The following ADGRL3 variants were observed in gnomAD, a reference collection of about 807,000 sequenced individuals.
The protein encoded by ADGRL3 is calcium-independent alpha-latrotoxin receptor 3.
A neutral mutation model predicts 153.5 loss-of-function variants in ADGRL3; 62 were observed. The ratio of observed to expected loss-of-function variants is 0.40; its 90% CI spans 0.33 to 0.50. The LOEUF is 0.50. ADGRL3 is among the 20% of genes least tolerant of loss of function. The pLI, the probability that ADGRL3 is intolerant of heterozygous loss-of-function variation, is 0.47. For missense variants in ADGRL3, 1,641 were observed against 1,859.4 expected, an observed-to-expected ratio of 0.88 and a Z score of 2.16; for synonymous variants, 710 against 672.5, an observed-to-expected ratio of 1.06 and a Z score of -0.86.
chr4:61,599,504 TGTATTTTTA>T (rs2099002249), intron 5 of ADGRL3, among the ~76,000 whole-genome samples: 1 of 152,176 alleles, frequency 6.6e-6, no homozygotes, highest in East Asian at 1.9e-4. Flanking sequence ...GGCTAAGTTT[TGTATTTTTA>T]GTAGAGATGC....
chr4:61,661,577 G>T (rs1020660199), intron 5 of ADGRL3, among the ~76,000 whole-genome samples: 4 of 151,978 alleles, frequency 2.6e-5, no homozygotes, highest in Non-Finnish European at 5.9e-5. Flanking sequence ...AAATATTTAT[G>T]AAACTTTGTC....
intron 1 of ADGRL3, among the ~76,000 whole-genome samples, chr4:61,267,646 C>T (rs1578047801): frequency 6.6e-6 from 1 of 151,500 alleles, no homozygotes; most frequent in East Asian, 1.9e-4. Flanking sequence ...TATCATGATT[C>T]AGTAACAAAT....
intron 5 of ADGRL3, among the ~76,000 whole-genome samples, chr4:61,646,241 T>C (rs1041168819): frequency 6.6e-6 from 1 of 152,184 alleles, no homozygotes. Context: ...TGTCCTCCCC[T>C]AGCTCGGAGT....
intron 4 of ADGRL3, among the ~76,000 whole-genome samples, chr4:61,545,673 C>A (rs1214149883): frequency 1.3e-5 from 2 of 152,076 alleles, no homozygotes. Flanking sequence ...GCCACCACAC[C>A]CACCTAATTT....
At chr4:61,328,359 G>A (rs1233103496) in intron 1 of ADGRL3, among the ~76,000 whole-genome samples, 1 of 152,168 alleles carries the variant, frequency 6.6e-6, no homozygotes, top group African/African-American at 2.4e-5. Context: ...GTAGGAACTA[G>A]TGATGCTTTC....
At chr4:62,056,061 A>C (rs563219755) in intron 25 of ADGRL3, among the ~76,000 whole-genome samples, 6 of 151,786 alleles carry the variant, frequency 4.0e-5, no homozygotes, top group South Asian at 2.1e-4. Flanking sequence ...ATCTTAAAAA[A>C]ATTTTGAAAA....
intron 17 of ADGRL3, among the ~76,000 whole-genome samples, chr4:61,960,854 C>T (rs1046496587): frequency 2.0e-4 from 30 of 151,992 alleles, no homozygotes; most frequent in Admixed American, 2.6e-4. Flanking sequence ...GGACTACAGG[C>T]GTGCGCCACC....
At chr4:61,898,107 C>T (rs1343242150) in intron 11 of ADGRL3, among the ~76,000 whole-genome samples, 3 of 152,182 alleles carry the variant, frequency 2.0e-5, no homozygotes, top group Admixed American at 6.5e-5. Context: ...TGTCAAGCGA[C>T]CCCACTGGCC....
At chr4:61,981,398 A>G (rs1460654894) in intron 18 of ADGRL3, among the ~76,000 whole-genome samples, 2 of 141,548 alleles carry the variant, frequency 1.4e-5, no homozygotes, top group African/African-American at 5.1e-5. Context: ...CATTTTTATT[A>G]TATGTAAACT....
At chr4:61,366,176 TA>T (rs2096393068) in intron 1 of ADGRL3, among the ~76,000 whole-genome samples, 1 of 152,222 alleles carries the variant, frequency 6.6e-6, no homozygotes, top group African/African-American at 2.4e-5. Context: ...TGCTTTCTTT[TA>T]AAATAAGCAT....
At chr4:61,955,622 A>C (rs1484651519) in intron 17 of ADGRL3, among the ~76,000 whole-genome samples, 1 of 152,056 alleles carries the variant, frequency 6.6e-6, no homozygotes, top group East Asian at 1.9e-4. Flanking sequence ...TTTGTTACAT[A>C]GGTATATTTG....
At chr4:61,579,642 T>C in intron 4 of ADGRL3, 1 of 508,240 alleles carries the variant, frequency 2.0e-6, no homozygotes, top group South Asian at 1.4e-5. Flanking sequence ...GCTGCTTAAT[T>C]GTTTGATGAT....
chr4:61,990,846 ACTT>A (rs994353626), intron 19 of ADGRL3, among the ~76,000 whole-genome samples: 38 of 151,774 alleles, frequency 2.5e-4, no homozygotes, highest in Non-Finnish European at 1.5e-4. Context: ...AGTCTCAACT[ACTT>A]ATTATCTGTG....
intron 2 of ADGRL3, among the ~76,000 whole-genome samples, chr4:61,477,272 C>G (rs2098075705): frequency 6.6e-6 from 1 of 152,056 alleles, no homozygotes; most frequent in South Asian, 2.1e-4. Flanking sequence ...ACAACATGGT[C>G]AAGTTTTGGT....
Position 62,073,323 on chromosome 4 carries a change from A to G in ADGRL3, c.*2415A>G, listed in dbSNP as rs1355347130. ...ATTGGCATGAATATTTTTTAAGTCTACAGATTTTATGTTAGAGGAGAATCA... is the reference window on the plus strand; with the variant it reads ...ATTGGCATGAATATTTTTTAAGTCTGCAGATTTTATGTTAGAGGAGAATCA... On this transcript the variant is annotated 3_prime_UTR_variant, in exon 27 of 27. Transcript: ENST00000683033. 6.6e-6 allele frequency: 1 copy of G among 152,142 alleles called. No individual in the cohort carries two copies. Among genetic ancestry groups the G allele is most frequent in the Non-Finnish European group, 1.5e-5 (1 of 67,992 alleles). 9.4% of individuals were successfully genotyped at this position (152,142 alleles called of 1,614,324 possible).
At chr4:61,607,457 G>T (rs951404388) in intron 5 of ADGRL3, among the ~76,000 whole-genome samples, 1 of 152,008 alleles carries the variant, frequency 6.6e-6, no homozygotes, top group African/African-American at 2.4e-5. Context: ...AAAATTAGCC[G>T]GGTGTGGTGG....
intron 5 of ADGRL3, among the ~76,000 whole-genome samples, chr4:61,661,624 G>A (rs1159241126): frequency 2.0e-5 from 3 of 152,036 alleles, no homozygotes; most frequent in Admixed American, 2.0e-4. Flanking sequence ...AAAGAACAGT[G>A]TTATGACAAT....
intron 9 of ADGRL3, among the ~76,000 whole-genome samples, chr4:61,818,764 T>C (rs1370608709): frequency 1.3e-5 from 2 of 152,308 alleles, no homozygotes; most frequent in East Asian, 1.9e-4. Context: ...GGAGGAATTA[T>C]ATAAATTCCT....
In ADGRL3 at chr4:61,521,591, T is replaced by C. The variant is rs114164500; in HGVS notation, c.259+4073T>C. Among the ~76,000 whole-genome samples the C allele has an allele frequency of 1.0e-3, 158 of 152,280 alleles. 2 individuals carry two copies. The highest frequency in any genetic ancestry group is 3.7e-3 in the African/African-American group (152 of 41,544). ...ATAAGAAATAGACGAGTCTGTTCTA[T>C]TGGTGGGTCTGACTCAAGGAGTGAG... On this transcript the variant is annotated intron_variant, in intron 4 of 26. Transcript: ENST00000683033.
Sources: gnomAD v4.1 joint callset for allele counts (sites outside exome capture counted in the v4.1 genomes callset) on GRCh38, gnomAD v4.1.1 for gene constraint, MANE v1.5 for transcripts, NCBI Gene and HGNC (gene_info 2026-07-23, HGNC 2026-07-21) for gene names.